The following AKNA variants were observed in gnomAD, a reference collection of about 807,000 sequenced individuals.
AKNA encodes the protein microtubule organization protein AKNA.
In AKNA, 67 loss-of-function variants were observed where a neutral mutation model predicts 138.8. That is an observed-to-expected ratio of 0.48 (90% CI 0.40 to 0.59). The LOEUF is 0.59. Ranked by LOEUF, AKNA falls within the 20% of genes least tolerant of loss-of-function variation. The pLI, the probability that AKNA is intolerant of heterozygous loss-of-function variation, is 0.00. For missense variants in AKNA, 1,813 were observed against 1,880.4 expected (o/e 0.96, Z 0.66); for synonymous variants, 737 against 754.4 (o/e 0.98, Z 0.38).
chr9:114,367,100 T>C (rs191140487), intron 6 of AKNA, among the ~76,000 whole-genome samples: 137 of 152,290 alleles, frequency 9.0e-4, no homozygotes, highest in African/African-American at 3.2e-3. Context: ...TTACTTGGAC[T>C]GTTTCATGAA....
chr9:114,364,979 C>T (rs1324563993), intron 6 of AKNA, among the ~76,000 whole-genome samples: 2 of 152,134 alleles, frequency 1.3e-5, no homozygotes, highest in African/African-American at 4.8e-5. Flanking sequence ...GAGGAAGGCA[C>T]ACGTGTATGT....
At position 114,350,938 on chromosome 9, in the gene AKNA, G is replaced by A. The variant is rs748069529; in HGVS notation, c.3142C>T (p.Pro1048Ser). 3 of 1,612,460 alleles carry A rather than the reference G, an allele frequency of 1.9e-6. No homozygotes were observed. Among genetic ancestry groups the A allele is most frequent in the East Asian group, 2.2e-5 (1 of 44,864 alleles). ...PNKTISPPPA[P>S]APAAAPLPCG... is the part of the protein sequence containing the mutation. Reference sequence around the variant, plus strand: ...GGTAGAGGCGCAGCGGCAGGGGCGGGGGCTGGGGGTGGGCTGATTGTCTTG... The same window carrying A: ...GGTAGAGGCGCAGCGGCAGGGGCGGAGGCTGGGGGTGGGCTGATTGTCTTG... The change falls in exon 15 of 22, where the codon CCC becomes TCC. Residue 1048 changes from proline (P) to serine (S), a missense_variant. Physicochemically the swap from Pro to Ser is moderately conservative, Grantham distance 74 (BLOSUM62 -1). Coordinates refer to ENST00000374088, the MANE Select transcript of AKNA (RefSeq NM_001317950.2).
chr9:114,396,280 ATTG>A (rs1198807935), upstream of AKNA, among the ~76,000 whole-genome samples: 1 of 152,172 alleles, frequency 6.6e-6, no homozygotes, highest in Non-Finnish European at 1.5e-5. Flanking sequence ...CAATGGTATT[ATTG>A]TTGTCATTAT....
chr9:114,364,352 A>G (rs1035271544), intron 7 of AKNA, among the ~76,000 whole-genome samples: 18 of 152,138 alleles, frequency 1.2e-4, no homozygotes, highest in Non-Finnish European at 2.2e-4. Context: ...CAGTCCCTGT[A>G]CACAACCATC....
intron 6 of AKNA, among the ~76,000 whole-genome samples, chr9:114,365,791 C>A (rs559863585): frequency 4.6e-5 from 7 of 152,194 alleles, no homozygotes; most frequent in African/African-American, 1.7e-4. Context: ...ATACCCACAG[C>A]ACGTCTCAAT....
chr9:114,346,488 G>A (rs545562733), intron 17 of AKNA, among the ~76,000 whole-genome samples, 181 bp downstream of exon 17: 7 of 152,356 alleles, frequency 4.6e-5, no homozygotes, highest in South Asian at 2.1e-4. Context: ...CACCCTACAC[G>A]CAGTAGGTGT....
At chr9:114,351,752 G>A (rs1831139891) in intron 14 of AKNA, among the ~76,000 whole-genome samples, 1 of 152,038 alleles carries the variant, frequency 6.6e-6, no homozygotes, top group Non-Finnish European at 1.5e-5. Flanking sequence ...GATCGCTTGG[G>A]CCAGGGAGGA....
intron 16 of AKNA, 99 bp from the exon 17 acceptor site, chr9:114,346,883 C>A (rs1019523391): frequency 6.1e-6 from 6 of 985,504 alleles, no homozygotes; most frequent in Non-Finnish European, 9.2e-6. Flanking sequence ...GCTTCTAACA[C>A]GATGGAAGGA....
intron 1 of AKNA, among the ~76,000 whole-genome samples, chr9:114,383,990 A>G (rs1174670303): frequency 1.3e-5 from 2 of 152,280 alleles, no homozygotes; most frequent in Middle Eastern, 3.4e-3. Context: ...CCAGCCCCAC[A>G]GTCCCTACCA....
In AKNA at chr9:114,337,272, G is replaced by A; in HGVS notation, c.4102C>T (p.Pro1368Ser). The part of the protein sequence containing the change: ...YAPAGPTSAQ[P>S]AAKWPPTASP... ...GCTGTGGGCGGCCACTTGGCAGCTG[G>A]TTGGGCTGAGGTAGGTCCTGCAGGC... The change falls in exon 22 of 22, where the codon CCA becomes TCA. Residue 1368 changes from proline (P) to serine (S), a missense_variant. Pro to Ser is a moderately conservative substitution (Grantham distance 74, BLOSUM62 -1). Transcript: ENST00000374088. 1 of 1,542,616 alleles carries A rather than the reference G, an allele frequency of 6.5e-7. No homozygotes were observed. Among genetic ancestry groups the A allele is most frequent in the African/African-American group, 1.4e-5 (1 of 73,250 alleles).
In AKNA at chr9:114,377,039, C is replaced by T. The variant is rs571786115; in HGVS notation, c.768G>A (p.Arg256=). The T allele has an allele frequency of 6.2e-7, 1 of 1,614,168 alleles. No individual in the cohort carries two copies. Among genetic ancestry groups the T allele is most frequent in the African/African-American group, 1.3e-5 (1 of 75,036 alleles). ...AGTCCTGGAATTCCATGGGGGTTGCCCGAGCAACACTGCCTCCAGTTCTGC... is the reference window on the plus strand; with the variant it reads ...AGTCCTGGAATTCCATGGGGGTTGCTCGAGCAACACTGCCTCCAGTTCTGC... ...PDGRTGGSVA[R]ATPMEFQDSS... The change falls in exon 3 of 22, where the codon CGG becomes CGA. Residue 256 remains arginine, a synonymous_variant. Coordinates refer to ENST00000374088, the MANE Select transcript of AKNA (RefSeq NM_001317950.2).
rs757792992 is a variant in AKNA, at chr9:114,342,111, C to T, written c.3772G>A (p.Gly1258Arg). ...RTQDAGGAVT[G>R]DPLGPPPADT... ...GCGGGAGGCGGTCCCAGTGGGTCCC[C>T]TGTGACAGCACCACCTAGAAGAGGA... The change falls in exon 20 of 22, where the codon GGG (glycine) becomes AGG (arginine). Residue 1258 changes from glycine (G) to arginine (R), a missense_variant. Coordinates refer to ENST00000374088, the MANE Select transcript of AKNA (RefSeq NM_001317950.2). 2 of 1,600,560 alleles carry T rather than the reference C, an allele frequency of 1.2e-6. No individual in the cohort carries two copies. Among genetic ancestry groups the T allele is most frequent in the Non-Finnish European group, 1.7e-6 (2 of 1,174,450 alleles).
intron 21 of AKNA, among the ~76,000 whole-genome samples, chr9:114,339,465 A>G (rs1830198324): frequency 1.3e-5 from 2 of 151,920 alleles, no homozygotes; most frequent in South Asian, 4.1e-4. Context: ...GCATTAATTC[A>G]TTCAATCCTC....
upstream of AKNA, among the ~76,000 whole-genome samples, chr9:114,390,530 G>C (rs1834293195): frequency 6.6e-6 from 1 of 152,128 alleles, no homozygotes; most frequent in African/African-American, 2.4e-5. Flanking sequence ...CCCCACGTGG[G>C]TCCCTGGATC....
chr9:114,341,754 C>CA (rs775896265), intron 20 of AKNA, 29 bp from the exon 21 acceptor site: 56 of 1,535,214 alleles, frequency 3.6e-5, no homozygotes, highest in Non-Finnish European at 4.8e-5. Flanking sequence ...CACAGAGAGA[C>CA]AGAGTCTGAC....
At chr9:114,382,528 A>G (rs1833761577) in intron 1 of AKNA, among the ~76,000 whole-genome samples, 1 of 150,042 alleles carries the variant, frequency 6.7e-6, no homozygotes, top group Non-Finnish European at 1.5e-5. Context: ...AGCTGCAGTG[A>G]GCCATGACAG....
chr9:114,344,025 G>A (rs1331969361), intron 18 of AKNA: 1 of 475,206 alleles, frequency 2.1e-6, no homozygotes. Flanking sequence ...GAACATCTTT[G>A]TGTCTGTTTA....
At chr9:114,333,159 A>G, downstream of AKNA, 1 of 1,532,102 alleles carries the variant, frequency 6.5e-7, no homozygotes, top group Non-Finnish European at 8.9e-7. Context: ...GGATCAGGAC[A>G]GAGACTTGGG....
downstream of AKNA, chr9:114,331,012 C>T (rs1829842203): frequency 4.7e-6 from 3 of 640,534 alleles, no homozygotes; most frequent in East Asian, 2.7e-5. Flanking sequence ...CAGAAAAAAT[C>T]CCTAAGAAGA....
Sources: allele counts gnomAD v4.1 joint callset (sites outside exome capture counted in the v4.1 genomes callset), GRCh38; gene constraint gnomAD v4.1.1; transcripts MANE v1.5; gene names NCBI Gene and HGNC (gene_info 2026-07-23, HGNC 2026-07-21).